Variants in STK32B observed in about 807,000 individuals in gnomAD.
STK32B encodes serine/threonine kinase 32B.
A neutral mutation model predicts 52.6 loss-of-function variants in STK32B; 43 were observed. That is an observed-to-expected ratio of 0.82 (90% confidence interval 0.64 to 1.05). The LOEUF is 1.05. Among genes scored for constraint, STK32B ranks in the 50% least tolerant of loss-of-function variants. The probability of loss-of-function intolerance (pLI) is 0.00; values close to 1 mark genes in which losing one functional copy is unlikely to be tolerated. For synonymous variants in STK32B, 238 were observed against 204.3 expected (o/e 1.17, Z -1.41); for missense variants, 621 against 534.6 (o/e 1.16, Z -1.59).
intron 3 of STK32B, among the ~76,000 whole-genome samples, chr4:5,179,118 T>TA (rs1226112320): frequency 6.6e-6 from 1 of 152,232 alleles, no homozygotes; most frequent in East Asian, 1.9e-4. Flanking sequence ...TCAGGAAACT[T>TA]ACAATCATTG....
Position 5,467,997 on chromosome 4 carries a change from C to A in STK32B, c.1042-9C>A. 6.2e-7 allele frequency: 1 copy of A among 1,614,134 alleles called. No individual in the cohort carries two copies. The highest frequency in any genetic ancestry group is 8.5e-7 in the Non-Finnish European group (1 of 1,179,984). On this transcript the variant is annotated splice_polypyrimidine_tract_variant and intron_variant, in intron 10 of 11. Transcript: ENST00000282908. This position sits in a 1 kb window ranked among gnomAD's most constrained non-coding sequence, Gnocchi z 5.8. ...TGTCATTTAGTCACCCCTCTGTGCT[C>A]TTTGACAGAATGGACACCTGCAGCA...
intron 1 of STK32B, among the ~76,000 whole-genome samples, chr4:5,131,872 A>G (rs978603297): frequency 1.3e-5 from 2 of 152,234 alleles, no homozygotes; most frequent in Admixed American, 1.3e-4. Context: ...TGCTCCTCAA[A>G]TATAACTGTG....
intron 3 of STK32B, among the ~76,000 whole-genome samples, chr4:5,209,092 C>T (rs1362385375): frequency 6.6e-6 from 1 of 152,232 alleles, no homozygotes; most frequent in East Asian, 1.9e-4. Context: ...GCCTCCCCCT[C>T]AGCACTTCTG....
chr4:5,059,152 C>T lies in STK32B; in HGVS notation c.52+7237C>T, dbSNP rs192585264. ...TCCTGTGTGCAAGCAATCCTCCCAC[C>T]TCAGCCTACCAAAGTGCTGAGATTA... is the stretch of plus-strand genomic sequence containing the variant. On this transcript the variant is annotated intron_variant, in intron 1 of 11. Coordinates refer to ENST00000282908, the MANE Select transcript of STK32B (RefSeq NM_018401.3). 1.2e-3 allele frequency among the ~76,000 whole-genome samples: 183 copies of T among 147,250 alleles called. 4 individuals are homozygous for T. Among genetic ancestry groups the T allele is most frequent in the African/African-American group, 4.3e-3 (173 of 40,194 alleles).
At position 5,446,522 on chromosome 4, in the gene STK32B, G is replaced by A. The variant is rs552696403; in HGVS notation, c.563-151G>A. ...AGAGGAGCCGACATTGCGCCATTATGTGCCAGCCTGGGCAGCAGAGCAAAA... is the reference window on the plus strand; with the variant it reads ...AGAGGAGCCGACATTGCGCCATTATATGCCAGCCTGGGCAGCAGAGCAAAA... On this transcript the variant is annotated intron_variant, in intron 6 of 11. Coordinates refer to ENST00000282908, the MANE Select transcript of STK32B (RefSeq NM_018401.3). The A allele has an allele frequency of 2.7e-5, 17 of 626,742 alleles. No individual in the cohort carries two copies. The African/African-American group carries it at 3.2e-4, about 12-fold the overall frequency. The allele number at this position is 626,742 out of a possible 1,614,324, so 38.8% of individuals were successfully genotyped here. A position where few individuals can be genotyped will look rare whatever the true frequency, so the allele number is the denominator to read the frequency against.
chr4:5,178,050 G>A (rs1214400310), intron 3 of STK32B, among the ~76,000 whole-genome samples: 2 of 152,192 alleles, frequency 1.3e-5, no homozygotes, highest in Non-Finnish European at 1.5e-5. Context: ...TGCCCCAGTG[G>A]GGACTCTGTG....
intron 3 of STK32B, among the ~76,000 whole-genome samples, chr4:5,287,721 CATT>C (rs199567498): frequency 6.6e-6 from 1 of 151,800 alleles, no homozygotes; most frequent in African/African-American, 2.4e-5. Context: ...GTATATTAAA[CATT>C]GTTGTGCATA....
At chr4:5,164,078 C>T (rs574813882) in intron 2 of STK32B, among the ~76,000 whole-genome samples, 3 of 152,288 alleles carry the variant, frequency 2.0e-5, no homozygotes, top group African/African-American at 7.2e-5. Flanking sequence ...GTTATTTAGC[C>T]CCTGGTGGGT....
At chr4:5,205,082 A>C (rs1318036246) in intron 3 of STK32B, among the ~76,000 whole-genome samples, 4 of 152,198 alleles carry the variant, frequency 2.6e-5, no homozygotes, top group Admixed American at 2.6e-4. Context: ...GAGGAAGAGC[A>C]CATTTTCCCT....
chr4:5,088,089 T>C (rs1488665181), intron 1 of STK32B, among the ~76,000 whole-genome samples: 1 of 152,056 alleles, frequency 6.6e-6, no homozygotes, highest in African/African-American at 2.4e-5. Context: ...AATTATACAA[T>C]GTATGCCTGT....
At chr4:5,441,226 A>G (rs1714711952) in intron 6 of STK32B, among the ~76,000 whole-genome samples, 1 of 151,578 alleles carries the variant, frequency 6.6e-6, no homozygotes, top group African/African-American at 2.4e-5. Context: ...CTGTGAATCC[A>G]TCTGGTCCTG....
intron 1 of STK32B, among the ~76,000 whole-genome samples, chr4:5,076,073 C>T (rs1256282797): frequency 6.6e-6 from 1 of 152,086 alleles, no homozygotes; most frequent in Non-Finnish European, 1.5e-5. Flanking sequence ...GAGGATAAGC[C>T]CAGCTGTACG....
chr4:5,376,642 A>G lies in STK32B; in HGVS notation c.435-21565A>G, dbSNP rs150059983. ...AGAAATAGGGTGATTTGTCAGCATC[A>G]GGATGATGGAAATGAGGCTGGAGGG... On this transcript the variant is annotated intron_variant, in intron 4 of 11. Coordinates refer to ENST00000282908, the MANE Select transcript of STK32B (RefSeq NM_018401.3). Among the ~76,000 whole-genome samples, 571 of 152,282 alleles carry G rather than the reference A, an allele frequency of 3.7e-3. 3 individuals carry two copies. The highest frequency in any genetic ancestry group is 0.013 in the African/African-American group (547 of 41,566).
intron 3 of STK32B, among the ~76,000 whole-genome samples, chr4:5,247,806 T>C (rs1204559681): frequency 1.3e-5 from 2 of 152,188 alleles, no homozygotes; most frequent in Non-Finnish European, 2.9e-5. Flanking sequence ...TGTCTTCTTT[T>C]GCTTTTTTTG....
intron 4 of STK32B, among the ~76,000 whole-genome samples, chr4:5,349,535 T>C (rs1375263790): frequency 6.6e-6 from 1 of 151,946 alleles, no homozygotes; most frequent in African/African-American, 2.4e-5. Flanking sequence ...GTGACTATTA[T>C]GCCAGATGCA....
intron 3 of STK32B, among the ~76,000 whole-genome samples, chr4:5,321,738 C>A (rs1204126869): frequency 6.6e-6 from 1 of 152,118 alleles, no homozygotes; most frequent in Non-Finnish European, 1.5e-5. Context: ...GTCTGCAAAG[C>A]CCCTCCAGTG....
At chr4:5,240,109 G>T (rs1027670545) in intron 3 of STK32B, among the ~76,000 whole-genome samples, 1 of 144,448 alleles carries the variant, frequency 6.9e-6, no homozygotes, top group African/African-American at 2.6e-5. Flanking sequence ...CTTTATCCTT[G>T]GGTTTGACAT....
rs1717752078 is a variant in STK32B, at chr4:5,470,272, G to C, written c.1106+2202G>C. Among the ~76,000 whole-genome samples, 1 of 152,166 alleles carries C rather than the reference G, an allele frequency of 6.6e-6. No homozygotes were observed. The highest frequency in any genetic ancestry group is 2.4e-5 in the African/African-American group (1 of 41,434). On this transcript the variant is annotated intron_variant, in intron 11 of 11. Transcript: ENST00000282908. This position sits in a 1 kb window ranked among gnomAD's most constrained non-coding sequence, Gnocchi z 4.6. ...TTGATGAGGGAAATGCAGTTGGCCTGTGGACACCCCTGAGATTTGCAGTCA... is the reference window on the plus strand; with the variant it reads ...TTGATGAGGGAAATGCAGTTGGCCTCTGGACACCCCTGAGATTTGCAGTCA...
chr4:5,161,037 C>G (rs1225889400), intron 2 of STK32B, among the ~76,000 whole-genome samples: 2 of 152,116 alleles, frequency 1.3e-5, no homozygotes, highest in Admixed American at 6.5e-5. Flanking sequence ...GCCTGGGGAT[C>G]CACAGTGAAG....
Sources: allele counts gnomAD v4.1 joint callset (sites outside exome capture counted in the v4.1 genomes callset), GRCh38; gene constraint gnomAD v4.1.1; non-coding constraint Gnocchi (gnomAD v3.1); transcripts MANE v1.5; gene names NCBI Gene and HGNC (gene_info 2026-07-23, HGNC 2026-07-21).